The following TLN2 variants were observed in gnomAD, a reference collection of about 807,000 sequenced individuals.
TLN2 encodes talin-2.
In TLN2, 118 loss-of-function variants were observed where a neutral mutation model predicts 294.7. The ratio of observed to expected loss-of-function variants is 0.40; its 90% CI spans 0.34 to 0.47. TLN2 has a LOEUF of 0.47. TLN2 is among the 20% of genes least tolerant of loss of function. The pLI, the probability that TLN2 is intolerant of heterozygous loss-of-function variation, is 0.84. For missense variants in TLN2, 3,083 were observed against 3,282.2 expected, an observed-to-expected ratio of 0.94 and a Z score of 1.48; for synonymous variants, 1,431 against 1,304.5, an observed-to-expected ratio of 1.10 and a Z score of -2.09.
At chr15:62,495,795 C>A (rs553041934) in intron 1 of TLN2, among the ~76,000 whole-genome samples, 1 of 152,182 alleles carries the variant, frequency 6.6e-6, no homozygotes, top group African/African-American at 2.4e-5. Flanking sequence ...CTTTTATTAA[C>A]GAAATTGTAC....
chr15:62,491,776 T>G (rs1017785063), intron 1 of TLN2, among the ~76,000 whole-genome samples: 1 of 152,180 alleles, frequency 6.6e-6, no homozygotes, highest in African/African-American at 2.4e-5. Flanking sequence ...TACAGTGTGG[T>G]AGTGCTTGAA....
At chr15:62,671,672 T>G (rs1434759857) in intron 9 of TLN2, among the ~76,000 whole-genome samples, 1 of 152,258 alleles carries the variant, frequency 6.6e-6, no homozygotes, top group South Asian at 2.1e-4. Context: ...GCACTGTCTT[T>G]GTTACTATGG....
chr15:62,455,767 G>A (rs1458554245), intron 1 of TLN2, among the ~76,000 whole-genome samples: 4 of 152,104 alleles, frequency 2.6e-5, no homozygotes, highest in African/African-American at 9.7e-5. Flanking sequence ...TGCCTTGATG[G>A]GCCCTTTTCC....
intron 1 of TLN2, among the ~76,000 whole-genome samples, chr15:62,544,793 G>A (rs1057232859): frequency 6.6e-6 from 1 of 151,048 alleles, no homozygotes; most frequent in African/African-American, 2.4e-5. Flanking sequence ...TAGAATGGCA[G>A]GTTCTAATGG....
chr15:62,460,122 T>C lies in TLN2; in HGVS notation c.-238+69437T>C, dbSNP rs966368236. On this transcript the variant is annotated intron_variant, in intron 1 of 58. Coordinates refer to ENST00000636159, the MANE Select transcript of TLN2 (RefSeq NM_015059.3). ...ACCACCTGTTTCCATTTAAAGCCACTAATATTTATCAGGACCTATGCTTTC... is the reference window on the plus strand; with the variant it reads ...ACCACCTGTTTCCATTTAAAGCCACCAATATTTATCAGGACCTATGCTTTC... 2.0e-5 allele frequency among the ~76,000 whole-genome samples: 3 copies of C among 152,060 alleles called. No individual in the cohort carries two copies. In the South Asian group the frequency reaches 6.2e-4, roughly 32 times the overall value.
At chr15:62,452,377 C>G (rs1225607941) in intron 1 of TLN2, among the ~76,000 whole-genome samples, 1 of 152,176 alleles carries the variant, frequency 6.6e-6, no homozygotes, top group African/African-American at 2.4e-5. Context: ...GAATTAGACA[C>G]AAGAGAGAGA....
intron 1 of TLN2, among the ~76,000 whole-genome samples, chr15:62,425,400 G>A (rs986065821): frequency 3.7e-4 from 57 of 152,100 alleles, no homozygotes; most frequent in African/African-American, 8.7e-4. Flanking sequence ...CTCACAGCCC[G>A]GTAACTCCCC....
At chr15:62,696,720 T>C (rs564577862) in intron 14 of TLN2, among the ~76,000 whole-genome samples, 1 of 152,246 alleles carries the variant, frequency 6.6e-6, no homozygotes, top group East Asian at 1.9e-4. Context: ...AAAAAATAAA[T>C]TTTAAAAAAT....
intron 1 of TLN2, among the ~76,000 whole-genome samples, chr15:62,560,276 T>C (rs2042849345): frequency 6.6e-6 from 1 of 152,254 alleles, no homozygotes; most frequent in African/African-American, 2.4e-5. Flanking sequence ...AGTCACGCTC[T>C]GCCACCCAGG....
At chr15:62,463,868 C>T (rs1036590677) in intron 1 of TLN2, among the ~76,000 whole-genome samples, 3 of 152,146 alleles carry the variant, frequency 2.0e-5, no homozygotes, top group Non-Finnish European at 2.9e-5. Context: ...GCCTGGGCAA[C>T]AGAGCGAGAC....
Position 62,820,721 on chromosome 15 carries a change from G to C in TLN2, c.7002+111G>C, listed in dbSNP as rs1413676411. On this transcript the variant is annotated intron_variant, in intron 54 of 58. Transcript: ENST00000636159. Reference sequence around the variant, plus strand: ...GAGCTTGGCTCCTTCCTTATGGTCAGACTAGCAAGCAGAAAACCGGATCTA... The same window carrying C: ...GAGCTTGGCTCCTTCCTTATGGTCACACTAGCAAGCAGAAAACCGGATCTA... 5.0e-6 allele frequency: 7 copies of C among 1,407,706 alleles called. No individual in the cohort carries two copies. The East Asian group carries it at 1.6e-4, about 33-fold the overall frequency. The allele number at this position is 1,407,706 out of a possible 1,614,324, so 87.2% of individuals were successfully genotyped here. A position where few individuals can be genotyped will look rare whatever the true frequency, so the allele number is the denominator to read the frequency against.
chr15:62,805,742 A>G lies in TLN2; in HGVS notation c.6620A>G (p.Asn2207Ser). ...CAGGAGGACGTGATTGCTACTGCCA[A>G]CCTGAGCCGGAAAGCCGTGTCAGAT... The part of the protein sequence containing the change: ...CRQEDVIATA[N>S]LSRKAVSDML... The change falls in exon 51 of 59, where the codon AAC becomes AGC. Residue 2207 changes from asparagine (N) to serine (S), a missense_variant. Physicochemically the swap from Asn to Ser is conservative, Grantham distance 46 (BLOSUM62 1). Coordinates refer to ENST00000636159, the MANE Select transcript of TLN2 (RefSeq NM_015059.3). 2.5e-6 allele frequency: 4 copies of G among 1,614,110 alleles called. No homozygotes were observed. The highest frequency in any genetic ancestry group is 3.4e-6 in the Non-Finnish European group (4 of 1,179,978).
At chr15:62,758,748 C>T (rs898329795) in intron 37 of TLN2, 1 of 152,196 alleles carries the variant, frequency 6.6e-6, no homozygotes, top group African/African-American at 2.4e-5. Flanking sequence ...GGGCTTTTTA[C>T]TCCTTGTTCT....
intron 2 of TLN2, among the ~76,000 whole-genome samples, chr15:62,596,089 C>T (rs563557117): frequency 9.9e-5 from 15 of 151,828 alleles, no homozygotes; most frequent in African/African-American, 3.6e-4. Context: ...TGGTGAAACC[C>T]CGTCTCTGCT....
At chr15:62,809,868 A>T in intron 51 of TLN2, 57 bp from the exon 52 acceptor site, 1 of 1,542,954 alleles carries the variant, frequency 6.5e-7, no homozygotes, top group Non-Finnish European at 8.9e-7. Flanking sequence ...TGAGTCTGGG[A>T]CTGCCCAATG....
At chr15:62,619,792 C>G (rs2048622772) in intron 3 of TLN2, among the ~76,000 whole-genome samples, 1 of 152,154 alleles carries the variant, frequency 6.6e-6, no homozygotes, top group East Asian at 1.9e-4. Flanking sequence ...CCACTGAAAC[C>G]TGGATTTCAG....
intron 1 of TLN2, among the ~76,000 whole-genome samples, chr15:62,516,345 C>A (rs562717362): frequency 6.6e-6 from 1 of 152,258 alleles, no homozygotes; most frequent in East Asian, 1.9e-4. Context: ...AGCATCCTTT[C>A]CTCTTTGGAT....
intron 14 of TLN2, among the ~76,000 whole-genome samples, chr15:62,697,400 C>T (rs1167756231): frequency 6.6e-6 from 1 of 152,226 alleles, no homozygotes; most frequent in African/African-American, 2.4e-5. Flanking sequence ...TGAGATACTG[C>T]ACCCGGCCTT....
chr15:62,577,748 A>G (rs1387820087), intron 1 of TLN2, among the ~76,000 whole-genome samples: 6 of 151,986 alleles, frequency 3.9e-5, no homozygotes. Flanking sequence ...CACCGTGCAG[A>G]TTTGTTACAT....
Sources: allele counts gnomAD v4.1 joint callset (sites outside exome capture counted in the v4.1 genomes callset), GRCh38; gene constraint gnomAD v4.1.1; transcripts MANE v1.5; gene names NCBI Gene and HGNC (gene_info 2026-07-23, HGNC 2026-07-21).